The following C14orf180 variants were observed in gnomAD, a reference collection of about 807,000 sequenced individuals.
The protein encoded by C14orf180 is nutritionally-regulated adipose and cardiac enriched protein homolog.
Under a neutral mutation model 13.9 loss-of-function variants are expected in C14orf180, and 13 were observed. That is an observed-to-expected ratio of 0.94 (90% CI 0.61 to 1.49). C14orf180 has a LOEUF of 1.49. Ranked by LOEUF, C14orf180 falls within the 40% of genes most tolerant of loss-of-function variation. The pLI is 0.00. For missense variants in C14orf180, 238 were observed against 232.0 expected, an observed-to-expected ratio of 1.03 and a Z score of -0.17; for synonymous variants, 113 against 106.3, an observed-to-expected ratio of 1.06 and a Z score of -0.39.
chr14:104,581,810 G>A (rs1886446140), intron 1 of C14orf180, among the ~76,000 whole-genome samples: 1 of 148,818 alleles, frequency 6.7e-6, no homozygotes, highest in Non-Finnish European at 1.5e-5. Flanking sequence ...ACCTGGAACA[G>A]GGAAACAGGG....
At chr14:104,580,976 G>A (rs975046719) in intron 1 of C14orf180, among the ~76,000 whole-genome samples, 1 of 152,364 alleles carries the variant, frequency 6.6e-6, no homozygotes, top group East Asian at 1.9e-4. Context: ...CATGGAGAGG[G>A]GCCTCAGGGG....
At chr14:104,582,609 C>G (rs1326492818) in intron 1 of C14orf180, among the ~76,000 whole-genome samples, 1 of 152,176 alleles carries the variant, frequency 6.6e-6, no homozygotes, top group African/African-American at 2.4e-5. Context: ...ACCTGGCAGG[C>G]TGTTCTCCCT....
chr14:104,588,478 T>C (rs1886715366), intron 4 of C14orf180, 100 bp from the exon 5 acceptor site: 6 of 1,439,054 alleles, frequency 4.2e-6, no homozygotes, highest in South Asian at 2.7e-5. Flanking sequence ...GCCATGGGCA[T>C]GGACAGGGTG....
chr14:104,582,739 A>C (rs563228160), intron 1 of C14orf180, among the ~76,000 whole-genome samples: 1 of 152,314 alleles, frequency 6.6e-6, no homozygotes, highest in South Asian at 2.1e-4. Flanking sequence ...CTGTTCCCAG[A>C]GTGGGGGTAG....
At chr14:104,585,192 G>T (rs1381912555) in intron 1 of C14orf180, among the ~76,000 whole-genome samples, 2 of 152,228 alleles carry the variant, frequency 1.3e-5, no homozygotes, top group Non-Finnish European at 2.9e-5. Context: ...AAGGACCCCA[G>T]GGCAGGGGAG....
intron 1 of C14orf180, 107 bp from the exon 2 acceptor site, chr14:104,586,308 G>T: frequency 4.1e-6 from 3 of 724,100 alleles, no homozygotes; most frequent in Non-Finnish European, 6.4e-6. Context: ...TCGCAAGCCC[G>T]GGAAGCCAGC....
chr14:104,580,299 T>C (rs1041883819), intron 1 of C14orf180, among the ~76,000 whole-genome samples: 3 of 152,084 alleles, frequency 2.0e-5, no homozygotes, highest in Non-Finnish European at 4.4e-5. Context: ...ACTGATGGTT[T>C]CCCTAAAACG....
At chr14:104,586,274 G>A (rs997030424) in intron 1 of C14orf180, 141 bp from the exon 2 acceptor site, 22 of 518,318 alleles carry the variant, frequency 4.2e-5, no homozygotes, top group Non-Finnish European at 7.3e-5. Context: ...AGGAAAAGTG[G>A]TGTCTGCTCA....
At position 104,589,127 on chromosome 14, in the gene C14orf180, G is replaced by A. The variant is rs1021453334; in HGVS notation, c.*344G>A. ...CAGCAGGAACTCCTGCTGCTGCTAG[G>A]GCCTGGCCCGGCCATCACCGTGTGC... On this transcript the variant is annotated 3_prime_UTR_variant, in exon 5 of 5. Coordinates refer to ENST00000557649, the MANE Select transcript of C14orf180 (RefSeq NM_001008404.3). This position sits in a 1 kb window ranked among gnomAD's most constrained non-coding sequence, Gnocchi z 4.9. The A allele has an allele frequency of 2.1e-6, 1 of 475,904 alleles. No homozygotes were observed. Among genetic ancestry groups the A allele is most frequent in the Non-Finnish European group, 3.6e-6 (1 of 274,622 alleles). The allele number at this position is 475,904 out of a possible 1,614,324, so 29.5% of individuals were successfully genotyped here.
At chr14:104,583,939 C>CAG (rs1886523773) in intron 1 of C14orf180, among the ~76,000 whole-genome samples, 1 of 152,192 alleles carries the variant, frequency 6.6e-6, no homozygotes, top group South Asian at 2.1e-4. Flanking sequence ...TTCACACACA[C>CAG]AGACACCCCA....
intron 2 of C14orf180, 147 bp downstream of exon 2, chr14:104,586,688 TG>T (rs1886639124): frequency 5.4e-4 from 5 of 9,184 alleles, no homozygotes; most frequent in Non-Finnish European, 1.1e-3. Context: ...CACTGAGGGC[TG>T]GGGGGAGCAG....
chr14:104,585,890 C>T (rs1305985529), intron 1 of C14orf180, among the ~76,000 whole-genome samples: 1 of 152,076 alleles, frequency 6.6e-6, no homozygotes, highest in Non-Finnish European at 1.5e-5. Context: ...AGCCCAGGGG[C>T]GCCCCACCAG....
intron 1 of C14orf180, among the ~76,000 whole-genome samples, chr14:104,583,526 G>A (rs955818639): frequency 2.0e-5 from 3 of 152,142 alleles, no homozygotes; most frequent in East Asian, 1.9e-4. Flanking sequence ...GCAGACCAAC[G>A]CCCAGGCAGA....
At chr14:104,584,007 G>A (rs1269688426) in intron 1 of C14orf180, among the ~76,000 whole-genome samples, 6 of 148,776 alleles carry the variant, frequency 4.0e-5, no homozygotes, top group African/African-American at 1.3e-4. Context: ...GCACACTCAG[G>A]GGAATACTCA....
At position 104,588,648 on chromosome 14, in the gene C14orf180, G is replaced by A. The variant is rs1886726955; in HGVS notation, c.348G>A (p.Leu116=). The change falls in exon 5 of 5, where the codon CTG becomes CTA. Residue 116 remains leucine (L), a synonymous_variant. Transcript: ENST00000557649. ...TGTGTGTGTGCGTCCTGCTCGTGCT[G>A]GCCCTGGGCCTATACTGCGGCCGGG... is the stretch of plus-strand genomic sequence containing the variant. The part of the protein sequence containing the change: ...LQLCVCVLLV[L]ALGLYCGRAK... 1.3e-6 allele frequency: 2 copies of A among 1,527,452 alleles called. No individual in the cohort carries two copies. The highest frequency in any genetic ancestry group is 2.4e-5 in the South Asian group (2 of 83,378). The allele number at this position is 1,527,452 out of a possible 1,614,324, so 94.6% of individuals were successfully genotyped here. A position where few individuals can be genotyped will look rare whatever the true frequency, so the allele number is the denominator to read the frequency against.
chr14:104,589,002 T>A lies in C14orf180; in HGVS notation c.*219T>A. Reference sequence around the variant, plus strand: ...GCCACACTAGTCAGCACAGCCCTCCTGTCTCCTGTGTTGGGTCCATGTGAG... The same window carrying A: ...GCCACACTAGTCAGCACAGCCCTCCAGTCTCCTGTGTTGGGTCCATGTGAG... On this transcript the variant is annotated 3_prime_UTR_variant, in exon 5 of 5. Transcript: ENST00000557649. The surrounding 1 kb of genome is among the most constrained non-coding windows in gnomAD (Gnocchi z 4.9). 1 of 932,060 alleles carries A rather than the reference T, an allele frequency of 1.1e-6. No homozygotes were observed. The highest frequency in any genetic ancestry group is 1.5e-6 in the Non-Finnish European group (1 of 649,860). The allele number at this position is 932,060 out of a possible 1,614,324, so 57.7% of individuals were successfully genotyped here. A position where few individuals can be genotyped will look rare whatever the true frequency, so the allele number is the denominator to read the frequency against.
In C14orf180 at chr14:104,588,739, C is replaced by A. The variant is rs776402908; in HGVS notation, c.439C>A (p.Arg147=). The A allele has an allele frequency of 2.6e-6, 4 of 1,535,720 alleles. No homozygotes were observed. The South Asian group carries it at 3.6e-5, about 14-fold the overall frequency. The part of the protein sequence containing the change: ...ARLLGLVLHL[R]HVALTCWRGL... ...GCTCCTCGGCCTTGTCCTGCACCTGCGGCACGTGGCCCTCACCTGCTGGCG... is the reference window on the plus strand; with the variant it reads ...GCTCCTCGGCCTTGTCCTGCACCTGAGGCACGTGGCCCTCACCTGCTGGCG... Residue 147 remains arginine (R), a synonymous_variant, in exon 5 of 5, where the codon CGG becomes AGG. Coordinates refer to ENST00000557649, the MANE Select transcript of C14orf180 (RefSeq NM_001008404.3).
At chr14:104,584,625 G>A (rs914337227) in intron 1 of C14orf180, among the ~76,000 whole-genome samples, 5 of 152,110 alleles carry the variant, frequency 3.3e-5, no homozygotes, top group Admixed American at 6.5e-5. Context: ...CCCAGGAGAC[G>A]GGGCCCCAGC....
chr14:104,587,866 G>A lies in C14orf180; in HGVS notation c.229G>A (p.Val77Met). 6.2e-7 allele frequency: 1 copy of A among 1,608,248 alleles called. No homozygotes were observed. The highest frequency in any genetic ancestry group is 1.7e-5 in the Admixed American group (1 of 59,372). ...CGTGTGGTTCCGAGAACCCCCAGCG[G>A]TGACCGTCCACTGTAAGAGGGCACC... ...RRVWFREPPA[V>M]TVHYIADKNA... The change falls in exon 3 of 5, where the codon GTG becomes ATG. Residue 77 changes from valine to methionine, a missense_variant. Physicochemically the swap from Val to Met is conservative, Grantham distance 21. Coordinates refer to ENST00000557649, the MANE Select transcript of C14orf180 (RefSeq NM_001008404.3).
Sources: gnomAD v4.1 joint callset for allele counts (sites outside exome capture counted in the v4.1 genomes callset) on GRCh38, gnomAD v4.1.1 for gene constraint, Gnocchi (gnomAD v3.1) non-coding constraint, MANE v1.5 for transcripts, NCBI Gene and HGNC (gene_info 2026-07-23, HGNC 2026-07-21) for gene names.